LRRIQ3: variants seen among roughly 807,000 people sequenced by gnomAD.
LRRIQ3 encodes leucine-rich repeat and IQ domain-containing protein 3.
LRRIQ3 carries 75 observed loss-of-function variants against 59.3 expected under a neutral mutation model. That is an observed-to-expected ratio of 1.26 (90% CI 1.05 to 1.53). The LOEUF is 1.53. Ranked by LOEUF, LRRIQ3 falls within the 40% of genes most tolerant of loss-of-function variation. LRRIQ3 has a pLI of 0.00. For synonymous variants in LRRIQ3, 250 were observed against 231.3 expected, an observed-to-expected ratio of 1.08 and a Z score of -0.73; for missense variants, 831 against 710.0, an observed-to-expected ratio of 1.17 and a Z score of -1.94.
intron 6 of LRRIQ3, among the ~76,000 whole-genome samples, chr1:74,052,325 A>C (rs1042018390): frequency 6.6e-5 from 10 of 152,130 alleles, no homozygotes; most frequent in African/African-American, 2.4e-4. Flanking sequence ...AATCACTTGC[A>C]TATCTGAAAT....
chr1:74,075,333 G>A (rs775743113), intron 5 of LRRIQ3, among the ~76,000 whole-genome samples: 28 of 152,066 alleles, frequency 1.8e-4, no homozygotes, highest in African/African-American at 5.8e-4. Context: ...TTGGGAGGCC[G>A]AGGCAGGTGG....
intron 7 of LRRIQ3, among the ~76,000 whole-genome samples, chr1:74,028,220 T>C (rs1452318052): frequency 1.3e-5 from 2 of 152,132 alleles, no homozygotes; most frequent in African/African-American, 4.8e-5. Context: ...GATCATAAAA[T>C]ACTTTATTTA....
intron 5 of LRRIQ3, among the ~76,000 whole-genome samples, chr1:74,078,232 A>G (rs17589679): frequency 0.032 from 4,837 of 151,946 alleles, 111 homozygotes; most frequent in Non-Finnish European, 0.047. Flanking sequence ...GATTAATAAA[A>G]TGATGCCAAG....
At chr1:74,177,273 A>G (rs1038813627) in intron 3 of LRRIQ3, among the ~76,000 whole-genome samples, 1 of 152,042 alleles carries the variant, frequency 6.6e-6, no homozygotes, top group Non-Finnish European at 1.5e-5. Flanking sequence ...CCCAGCCTAC[A>G]TCTTTCTCCT....
chr1:74,109,983 G>A (rs1243663310), intron 4 of LRRIQ3, among the ~76,000 whole-genome samples: 1 of 151,424 alleles, frequency 6.6e-6, no homozygotes, highest in Non-Finnish European at 1.5e-5. Context: ...TACAAACTAG[G>A]AAATATACTC....
At chr1:74,176,170 G>A (rs1380982914) in intron 3 of LRRIQ3, among the ~76,000 whole-genome samples, 5 of 151,898 alleles carry the variant, frequency 3.3e-5, no homozygotes, top group Non-Finnish European at 4.4e-5. Flanking sequence ...GATTCTCTTA[G>A]TTTTCCTCTA....
chr1:74,030,597 T>C (rs1052502394), intron 7 of LRRIQ3, among the ~76,000 whole-genome samples: 2 of 152,132 alleles, frequency 1.3e-5, no homozygotes, highest in Non-Finnish European at 2.9e-5. Flanking sequence ...TTACACCTTA[T>C]ACAAAAATTA....
rs1650049197 is a variant in LRRIQ3 at position 74,182,595 on chromosome 1, T to C, written c.516A>G (p.Glu172=). ...GTCGATGGTTACATGCTTTGAATCT[T>C]TCAGGAAGATGCCAGTTCTGAATTA... The part of the protein sequence containing the change: ...EEIIQNWHLP[E]RFKACNHRLF... Residue 172 remains glutamate, a synonymous_variant, in exon 3 of 8, where the codon GAA becomes GAG. Coordinates refer to ENST00000354431, the MANE Select transcript of LRRIQ3 (RefSeq NM_001105659.2). 3 of 1,606,200 alleles carry C rather than the reference T, an allele frequency of 1.9e-6. No individual in the cohort carries two copies. The African/African-American group carries it at 4.0e-5, about 21-fold the overall frequency.
At chr1:74,067,049 A>G (rs761496359) in intron 6 of LRRIQ3, among the ~76,000 whole-genome samples, 3 of 152,290 alleles carry the variant, frequency 2.0e-5, no homozygotes, top group Non-Finnish European at 2.9e-5. Context: ...CTTTGTAAGA[A>G]CAAAATTATT....
chr1:74,096,847 A>T (rs549054792), intron 5 of LRRIQ3, among the ~76,000 whole-genome samples: 1 of 152,218 alleles, frequency 6.6e-6, no homozygotes, highest in East Asian at 1.9e-4. Context: ...TCAGCATAGG[A>T]GGCTGCAGAA....
At chr1:74,183,793 G>C (rs1352985861) in intron 1 of LRRIQ3, 109 bp from the exon 2 acceptor site, 1 of 931,498 alleles carries the variant, frequency 1.1e-6, no homozygotes, top group African/African-American at 1.7e-5. Flanking sequence ...TGTTATTAAA[G>C]TTAAAATTTA....
chr1:74,102,000 T>C (rs1256685778), intron 5 of LRRIQ3, among the ~76,000 whole-genome samples: 1 of 151,504 alleles, frequency 6.6e-6, no homozygotes, highest in African/African-American at 2.4e-5. Context: ...ATGGCACATG[T>C]ATACATATGT....
chr1:74,086,009 C>A (rs1646324394), intron 5 of LRRIQ3, among the ~76,000 whole-genome samples: 1 of 152,016 alleles, frequency 6.6e-6, no homozygotes, highest in Non-Finnish European at 1.5e-5. Flanking sequence ...TCCTTCGGAG[C>A]TACTAAATCA....
chr1:74,160,225 A>G (rs1032389486), intron 3 of LRRIQ3, among the ~76,000 whole-genome samples: 1 of 152,036 alleles, frequency 6.6e-6, no homozygotes, highest in Non-Finnish European at 1.5e-5. Flanking sequence ...TCTAAACTCC[A>G]AGAACACGAA....
At chr1:74,097,462 C>A (rs1646464854) in intron 5 of LRRIQ3, among the ~76,000 whole-genome samples, 1 of 152,074 alleles carries the variant, frequency 6.6e-6, no homozygotes, top group African/African-American at 2.4e-5. Context: ...GAGAATGGAA[C>A]CAAGTTGGAA....
At chr1:74,181,695 T>G (rs1258541679) in intron 3 of LRRIQ3, 1 of 151,860 alleles carries the variant, frequency 6.6e-6, no homozygotes, top group East Asian at 1.9e-4. Context: ...CCTAAATTTT[T>G]AAAACTATTA....
At chr1:74,105,541 C>T (rs1557617307) in intron 5 of LRRIQ3, among the ~76,000 whole-genome samples, 1 of 151,928 alleles carries the variant, frequency 6.6e-6, no homozygotes, top group South Asian at 2.1e-4. Flanking sequence ...ACGTGAGCCA[C>T]CATGGCTGGC....
intron 4 of LRRIQ3, among the ~76,000 whole-genome samples, chr1:74,145,096 CTCTACTAATGTTGTTA>C (rs886962306): frequency 6.6e-6 from 1 of 151,952 alleles, no homozygotes; most frequent in Non-Finnish European, 1.5e-5. Context: ...TTTTGGGTAC[CTCTACTAATGTTGTTA>C]TCACTAGCGT....
chr1:74,158,702 T>C lies in LRRIQ3; in HGVS notation c.574-2836A>G, dbSNP rs369985537. ...GTTAAGAAATCTCCTCAGTCCTTTGTTTCAGGAAATGGCTTACTGAAAAGA... is the reference window on the plus strand; with the variant it reads ...GTTAAGAAATCTCCTCAGTCCTTTGCTTCAGGAAATGGCTTACTGAAAAGA... On this transcript the variant is annotated intron_variant, in intron 3 of 7. Coordinates refer to ENST00000354431, the MANE Select transcript of LRRIQ3 (RefSeq NM_001105659.2). Among the ~76,000 whole-genome samples the C allele has an allele frequency of 2.0e-4, 31 of 152,298 alleles. No homozygotes were observed. In the Middle Eastern group the frequency reaches 0.01, roughly 50 times the overall value.
Sources: allele counts gnomAD v4.1 joint callset (sites outside exome capture counted in the v4.1 genomes callset), GRCh38; gene constraint gnomAD v4.1.1; transcripts MANE v1.5; gene names NCBI Gene and HGNC (gene_info 2026-07-23, HGNC 2026-07-21).